The following HTR1F variants were observed in gnomAD, a reference collection of about 807,000 sequenced individuals.
HTR1F encodes the protein 5-hydroxytryptamine (serotonin) receptor 1F, G protein-coupled.
HTR1F carries 17 observed loss-of-function variants against 24.0 expected under a neutral mutation model. The observed-to-expected ratio is 0.71, with a 90% CI of 0.48 to 1.06. The LOEUF is 1.06. HTR1F is among the 50% of genes least tolerant of loss of function. The pLI is 0.00. For missense variants in HTR1F, 391 were observed against 427.8 expected, an observed-to-expected ratio of 0.91 and a Z score of 0.76; for synonymous variants, 186 against 156.8, an observed-to-expected ratio of 1.19 and a Z score of -1.39.
rs201830581 is a variant in HTR1F, at chr3:87,856,220, G to GA, written c.-43+34103dup. 7.2e-3 allele frequency among the ~76,000 whole-genome samples: 1,086 copies of GA among 151,704 alleles called. 21 individuals are homozygous for GA. The highest frequency in any genetic ancestry group is 0.025 in the African/African-American group (1,030 of 41,388). ...AGTTTATTATAGATATTTATTTATA[G>GA]AAAAAAACAGTATTTTTAGGGTTTA... is the stretch of plus-strand genomic sequence containing the variant. On this transcript the variant is annotated intron_variant, in intron 2 of 2. Coordinates refer to ENST00000319595, the MANE Select transcript of HTR1F (RefSeq NM_001322209.2).
intron 2 of HTR1F, among the ~76,000 whole-genome samples, chr3:87,984,505 C>T (rs1705620264): frequency 6.6e-6 from 1 of 151,806 alleles, no homozygotes; most frequent in African/African-American, 2.4e-5. Flanking sequence ...CTTCTGTTGC[C>T]CAAGCTGGAG....
At chr3:87,794,539 T>C (rs965470531) in intron 1 of HTR1F, among the ~76,000 whole-genome samples, 5 of 152,232 alleles carry the variant, frequency 3.3e-5, no homozygotes, top group African/African-American at 9.6e-5. Context: ...TTTTACTAAT[T>C]TTTAATCCAA....
chr3:87,869,374 T>C (rs1279705967), intron 2 of HTR1F, among the ~76,000 whole-genome samples: 1 of 129,170 alleles, frequency 7.7e-6, no homozygotes, highest in Non-Finnish European at 1.6e-5. Context: ...ACCAATAGGA[T>C]AGATAGATAG....
intron 1 of HTR1F, among the ~76,000 whole-genome samples, chr3:87,799,518 A>T (rs1296384009): frequency 6.6e-6 from 1 of 152,252 alleles, no homozygotes; most frequent in Non-Finnish European, 1.5e-5. Context: ...TTAATTAGGT[A>T]TTTATTCTCA....
intron 2 of HTR1F, among the ~76,000 whole-genome samples, chr3:87,927,914 T>G (rs148035864): frequency 1.3e-5 from 2 of 152,236 alleles, no homozygotes; most frequent in African/African-American, 4.8e-5. Context: ...TTTTAAAAAT[T>G]TTTATATCAA....
intron 2 of HTR1F, among the ~76,000 whole-genome samples, chr3:87,903,800 A>C (rs973704609): frequency 1.3e-5 from 2 of 152,228 alleles, no homozygotes; most frequent in Non-Finnish European, 2.9e-5. Flanking sequence ...AATATAAATC[A>C]TGCTGCTATA....
chr3:87,810,413 G>A (rs544437618), intron 1 of HTR1F, among the ~76,000 whole-genome samples: 36 of 152,056 alleles, frequency 2.4e-4, no homozygotes, highest in Middle Eastern at 3.4e-3. Context: ...GGATGTCGGC[G>A]TTTTTCCCAA....
chr3:87,928,987 G>T (rs1184819778), intron 2 of HTR1F, among the ~76,000 whole-genome samples: 1 of 152,148 alleles, frequency 6.6e-6, no homozygotes, highest in Non-Finnish European at 1.5e-5. Flanking sequence ...TTTTCAAGAA[G>T]GTAGTGTGTT....
At chr3:87,915,819 T>G (rs1703880138) in intron 2 of HTR1F, among the ~76,000 whole-genome samples, 1 of 152,280 alleles carries the variant, frequency 6.6e-6, no homozygotes, top group East Asian at 1.9e-4. Context: ...CCAGCCATGC[T>G]AGAGACCTAG....
intron 2 of HTR1F, among the ~76,000 whole-genome samples, chr3:87,924,582 T>G (rs564929734): frequency 1.3e-5 from 2 of 152,266 alleles, no homozygotes; most frequent in East Asian, 3.9e-4. Flanking sequence ...AATTCCCTGT[T>G]TTTTCTTGTC....
At chr3:87,936,258 T>C (rs1177471189) in intron 2 of HTR1F, among the ~76,000 whole-genome samples, 1 of 152,236 alleles carries the variant, frequency 6.6e-6, no homozygotes, top group Non-Finnish European at 1.5e-5. Flanking sequence ...TCTAAAAGAA[T>C]ACAATTGTGC....
At chr3:87,874,105 A>C (rs1705617459) in intron 2 of HTR1F, among the ~76,000 whole-genome samples, 2 of 152,116 alleles carry the variant, frequency 1.3e-5, no homozygotes, top group South Asian at 4.1e-4. Flanking sequence ...TCTATTCAAC[A>C]TGATAATGGA....
chr3:87,942,325 T>G (rs1704588648), intron 2 of HTR1F, among the ~76,000 whole-genome samples: 1 of 152,056 alleles, frequency 6.6e-6, no homozygotes. Context: ...TAGTGACAGA[T>G]CTGGAGGACA....
intron 1 of HTR1F, chr3:87,793,144 C>G (rs1009388858): frequency 1.3e-5 from 2 of 152,466 alleles, no homozygotes; most frequent in Admixed American, 6.5e-5. Flanking sequence ...TGACCCGGGC[C>G]CAAGGGCGAG....
chr3:87,857,406 GC>G (rs1261423796), intron 2 of HTR1F, among the ~76,000 whole-genome samples: 1 of 151,964 alleles, frequency 6.6e-6, no homozygotes, highest in Non-Finnish European at 1.5e-5. Context: ...TCCATCTAAA[GC>G]CAGTCATGCA....
At chr3:87,917,830 C>A (rs1703928773) in intron 2 of HTR1F, among the ~76,000 whole-genome samples, 2 of 151,918 alleles carry the variant, frequency 1.3e-5, no homozygotes, top group South Asian at 4.2e-4. Context: ...CACTATTCCA[C>A]AAGATAGAGA....
intron 2 of HTR1F, among the ~76,000 whole-genome samples, chr3:87,849,663 G>A (rs1023183215): frequency 6.6e-6 from 1 of 151,854 alleles, no homozygotes. Flanking sequence ...CCATCAGAGT[G>A]AACAGGCAAC....
At chr3:87,848,913 C>A (rs1398138500) in intron 2 of HTR1F, among the ~76,000 whole-genome samples, 1 of 151,564 alleles carries the variant, frequency 6.6e-6, no homozygotes, top group East Asian at 1.9e-4. Flanking sequence ...ATGTGAAGGA[C>A]CTCTTCAAGG....
At chr3:87,868,854 A>T (rs1705482487) in intron 2 of HTR1F, among the ~76,000 whole-genome samples, 1 of 152,054 alleles carries the variant, frequency 6.6e-6, no homozygotes, top group African/African-American at 2.4e-5. Context: ...TACAACAAAC[A>T]TTCTAGTCAA....
Sources: gnomAD v4.1 joint callset for allele counts (sites outside exome capture counted in the v4.1 genomes callset) on GRCh38, gnomAD v4.1.1 for gene constraint, MANE v1.5 for transcripts, NCBI Gene and HGNC (gene_info 2026-07-23, HGNC 2026-07-21) for gene names.